Variants in CCSER1 observed in about 807,000 individuals in gnomAD.
CCSER1 encodes serine-rich coiled-coil domain-containing protein 1.
In CCSER1, 41 loss-of-function variants were observed where a neutral mutation model predicts 82.0. The ratio of observed to expected loss-of-function variants is 0.50; its 90% CI spans 0.39 to 0.65. The LOEUF is 0.65. Among genes scored for constraint, CCSER1 ranks in the 30% least tolerant of loss-of-function variants. The probability of loss-of-function intolerance (pLI) is 0.00; values close to 1 mark genes in which losing one functional copy is unlikely to be tolerated. For synonymous variants in CCSER1, 414 were observed against 383.9 expected, an observed-to-expected ratio of 1.08 and a Z score of -0.92; for missense variants, 1,119 against 1,064.2, an observed-to-expected ratio of 1.05 and a Z score of -0.72.
intron 4 of CCSER1, among the ~76,000 whole-genome samples, chr4:90,413,261 A>G (rs935364976): frequency 6.6e-6 from 1 of 152,218 alleles, no homozygotes; most frequent in South Asian, 2.1e-4. Flanking sequence ...AAAGACCTCT[A>G]CAAGGTAAAC....
At chr4:90,774,111 C>G (rs1211540396) in intron 7 of CCSER1, among the ~76,000 whole-genome samples, 1 of 152,040 alleles carries the variant, frequency 6.6e-6, no homozygotes. Context: ...ACTCTCAGTA[C>G]TTATTTAAGG....
At chr4:91,148,631 C>G (rs1372567814) in intron 10 of CCSER1, among the ~76,000 whole-genome samples, 1 of 152,108 alleles carries the variant, frequency 6.6e-6, no homozygotes, top group East Asian at 1.9e-4. Context: ...CTATCCATCC[C>G]CCATCCCACC....
chr4:90,288,536 A>T (rs1447848271), intron 1 of CCSER1, among the ~76,000 whole-genome samples: 2 of 151,868 alleles, frequency 1.3e-5, no homozygotes, highest in Admixed American at 1.3e-4. Flanking sequence ...AGCCCCTCTA[A>T]TTCCCTTCTG....
At chr4:90,994,103 A>T (rs1403476287) in intron 9 of CCSER1, among the ~76,000 whole-genome samples, 1 of 151,946 alleles carries the variant, frequency 6.6e-6, no homozygotes, top group Admixed American at 6.6e-5. Context: ...AGAGGCTGAG[A>T]TGGAAGCATT....
intron 10 of CCSER1, among the ~76,000 whole-genome samples, chr4:91,576,939 G>A (rs1239531558): frequency 6.6e-6 from 1 of 151,784 alleles, no homozygotes; most frequent in Non-Finnish European, 1.5e-5. Flanking sequence ...ATTTCATAGT[G>A]TGCATGTATA....
intron 9 of CCSER1, among the ~76,000 whole-genome samples, chr4:91,073,339 T>G (rs957638321): frequency 6.6e-6 from 1 of 152,066 alleles, no homozygotes; most frequent in Non-Finnish European, 1.5e-5. Flanking sequence ...AAAAAAGAGA[T>G]AAAAGAATTA....
chr4:90,881,920 T>C (rs992194226), intron 8 of CCSER1, among the ~76,000 whole-genome samples: 23 of 150,826 alleles, frequency 1.5e-4, no homozygotes, highest in African/African-American at 5.6e-4. Context: ...GCAATGCGAA[T>C]ATGTTTTATG....
chr4:90,706,522 A>G (rs559604737), intron 6 of CCSER1, among the ~76,000 whole-genome samples: 57 of 152,352 alleles, frequency 3.7e-4, no homozygotes, highest in African/African-American at 1.4e-3. Flanking sequence ...TCTTAATAGC[A>G]GAGATTTTTG....
At chr4:90,617,031 G>A (rs1721410029) in intron 5 of CCSER1, among the ~76,000 whole-genome samples, 1 of 151,900 alleles carries the variant, frequency 6.6e-6, no homozygotes, top group Admixed American at 6.6e-5. Flanking sequence ...GTTAATATAA[G>A]AATTGATTAT....
chr4:90,733,510 T>C lies in CCSER1; in HGVS notation c.2010+9519T>C, dbSNP rs1745114147. Among the ~76,000 whole-genome samples, 5 of 152,316 alleles carry C rather than the reference T, an allele frequency of 3.3e-5. No individual in the cohort carries two copies. The South Asian group carries it at 1.0e-3, about 32-fold the overall frequency. On this transcript the variant is annotated intron_variant, in intron 7 of 10. Transcript: ENST00000509176. ...TCTCTTCACTTTATTGTTTCCTTTGTTGTGCAAAAGCTTTTTAACTTGATA... is the reference window on the plus strand; with the variant it reads ...TCTCTTCACTTTATTGTTTCCTTTGCTGTGCAAAAGCTTTTTAACTTGATA...
intron 1 of CCSER1, among the ~76,000 whole-genome samples, chr4:90,246,180 C>T (rs1721365009): frequency 6.6e-6 from 1 of 151,982 alleles, no homozygotes; most frequent in Non-Finnish European, 1.5e-5. Flanking sequence ...TGATTTTTAG[C>T]AACATTTTGT....
intron 1 of CCSER1, among the ~76,000 whole-genome samples, chr4:90,147,647 C>G (rs985686429): frequency 6.6e-6 from 1 of 152,022 alleles, no homozygotes; most frequent in African/African-American, 2.4e-5. Context: ...TGATAATCTT[C>G]ATGACAAAAT....
At chr4:91,367,507 T>C (rs1218811383) in intron 10 of CCSER1, among the ~76,000 whole-genome samples, 1 of 151,588 alleles carries the variant, frequency 6.6e-6, no homozygotes, top group Non-Finnish European at 1.5e-5. Context: ...GATAGTTCTT[T>C]ATCTTTATCT....
intron 10 of CCSER1, among the ~76,000 whole-genome samples, chr4:91,408,131 A>T (rs1368700920): frequency 6.6e-6 from 1 of 152,176 alleles, no homozygotes; most frequent in East Asian, 1.9e-4. Flanking sequence ...TTGTATTAAG[A>T]TAAAGAGAGA....
At chr4:90,916,648 G>A (rs1727475987) in intron 8 of CCSER1, among the ~76,000 whole-genome samples, 1 of 152,022 alleles carries the variant, frequency 6.6e-6, no homozygotes, top group Admixed American at 6.6e-5. Context: ...GGCAACAAAA[G>A]CAAAATTAAG....
intron 3 of CCSER1, among the ~76,000 whole-genome samples, chr4:90,366,889 G>A (rs1488469223): frequency 1.3e-5 from 2 of 151,676 alleles, no homozygotes; most frequent in Non-Finnish European, 3.0e-5. Flanking sequence ...AATTCCCTTA[G>A]TACGAAATTT....
At chr4:91,207,136 A>G (rs1736412716) in intron 10 of CCSER1, among the ~76,000 whole-genome samples, 1 of 151,854 alleles carries the variant, frequency 6.6e-6, no homozygotes, top group Non-Finnish European at 1.5e-5. Context: ...AGTTTGATAT[A>G]TCATTGGATA....
chr4:90,843,648 G>A (rs759824173), intron 8 of CCSER1, among the ~76,000 whole-genome samples: 8 of 152,022 alleles, frequency 5.3e-5, no homozygotes, highest in East Asian at 1.9e-4. Flanking sequence ...ATACCTATTC[G>A]TCCCTTCCTT....
At chr4:91,443,952 G>A (rs1755385204) in intron 10 of CCSER1, among the ~76,000 whole-genome samples, 1 of 151,906 alleles carries the variant, frequency 6.6e-6, no homozygotes, top group Non-Finnish European at 1.5e-5. Context: ...AATCTGAGGA[G>A]AGCTACTTAC....
Sources: allele counts gnomAD v4.1 joint callset (sites outside exome capture counted in the v4.1 genomes callset), GRCh38; gene constraint gnomAD v4.1.1; transcripts MANE v1.5; gene names NCBI Gene and HGNC (gene_info 2026-07-23, HGNC 2026-07-21).